The following SLC25A29 variants were observed in gnomAD, a reference collection of about 807,000 sequenced individuals.
SLC25A29 encodes solute carrier family 25 member 29.
A neutral mutation model predicts 10.0 loss-of-function variants in SLC25A29; 13 were observed. The observed-to-expected ratio is 1.30, with a 90% CI of 0.85 to 2.07. The LOEUF (loss-of-function observed/expected upper bound fraction) is 2.07, where lower values mean the gene tolerates loss of function less well. Among genes scored for constraint, SLC25A29 ranks in the 30% most tolerant of loss-of-function variants. The pLI is 0.00. For missense variants in SLC25A29, 475 were observed against 447.6 expected (o/e 1.06, Z -0.55); for synonymous variants, 244 against 221.1 (o/e 1.10, Z -0.92).
rs1891691864 is a variant in SLC25A29, at chr14:100,291,530, G to A, written c.*753C>T. Reference sequence around the variant, plus strand: ...CCCATTTTATGGACAGGCAGCCTGAGGCCCAGAGGCGGAAGGATTTCTCCT... The same window carrying A: ...CCCATTTTATGGACAGGCAGCCTGAAGCCCAGAGGCGGAAGGATTTCTCCT... On this transcript the variant is annotated 3_prime_UTR_variant, in exon 4 of 4. Transcript: ENST00000359232. 1 of 152,388 alleles carries A rather than the reference G, an allele frequency of 6.6e-6. No homozygotes were observed. Among genetic ancestry groups the A allele is most frequent in the Non-Finnish European group, 1.5e-5 (1 of 68,182 alleles). 9.4% of individuals were successfully genotyped at this position (152,388 alleles called of 1,614,324 possible). A position where few individuals can be genotyped will look rare whatever the true frequency, so the allele number is the denominator to read the frequency against.
chr14:100,299,786 G>A (rs753292419), intron 1 of SLC25A29: 79 of 985,294 alleles, frequency 8.0e-5, no homozygotes, highest in Non-Finnish European at 9.0e-5. Flanking sequence ...GGAGTTTCAC[G>A]TGGACATCTG....
downstream of SLC25A29, among the ~76,000 whole-genome samples, chr14:100,289,679 A>G (rs1891617421): frequency 6.6e-6 from 1 of 151,886 alleles, no homozygotes; most frequent in Non-Finnish European, 1.5e-5. Flanking sequence ...CCTGTCTCTA[A>G]TAAAAATAGA....
In SLC25A29 at chr14:100,292,427, C is replaced by A; in HGVS notation, c.768G>T (p.Leu256=). Reference sequence around the variant, plus strand: ...TGGCAGCGTTGACGGGGAAGGCGCGCAGCAGCGTGGACGCCAGCCCCCGTG... The same window carrying A: ...TGGCAGCGTTGACGGGGAAGGCGCGAAGCAGCGTGGACGCCAGCCCCCGTG... ...VFTRGLASTL[L]RAFPVNAATF... Residue 256 remains leucine, a synonymous_variant, in exon 4 of 4, where the codon CTG becomes CTT. Transcript: ENST00000359232. 6.3e-7 allele frequency: 1 copy of A among 1,579,496 alleles called. No individual in the cohort carries two copies. Among genetic ancestry groups the A allele is most frequent in the Non-Finnish European group, 8.6e-7 (1 of 1,165,382 alleles).
intron 1 of SLC25A29, 146 bp from the exon 2 acceptor site, chr14:100,299,031 C>G: frequency 6.8e-7 from 1 of 1,462,002 alleles, no homozygotes; most frequent in Non-Finnish European, 9.1e-7. Flanking sequence ...GTGCAGCAGG[C>G]AGATCCCATG....
At chr14:100,290,699 A>G (rs1360117938), downstream of SLC25A29, among the ~76,000 whole-genome samples, 1 of 151,980 alleles carries the variant, frequency 6.6e-6, no homozygotes, top group Non-Finnish European at 1.5e-5. Flanking sequence ...GCCCTCTCTG[A>G]CCTCCTAGTT....
intron 1 of SLC25A29, among the ~76,000 whole-genome samples, chr14:100,302,295 C>T (rs1265884995): frequency 6.6e-6 from 1 of 151,904 alleles, no homozygotes; most frequent in Non-Finnish European, 1.5e-5. Flanking sequence ...AGCCACCTGC[C>T]TCGGCCTCCC....
chr14:100,284,006 C>T, the SLC25A29 span, among the ~76,000 whole-genome samples: 1 of 152,054 alleles, frequency 6.6e-6, no homozygotes, highest in Non-Finnish European at 1.5e-5. Flanking sequence ...CTTGGCCTCC[C>T]GAGTAGCTAC....
chr14:100,285,237 G>C, the SLC25A29 span, among the ~76,000 whole-genome samples: 3 of 151,890 alleles, frequency 2.0e-5, no homozygotes, highest in African/African-American at 4.8e-5. Context: ...ACTTAGCGCG[G>C]GCAGCCCTGC....
intron 1 of SLC25A29, among the ~76,000 whole-genome samples, chr14:100,300,243 C>T (rs1488464814): frequency 6.6e-6 from 1 of 152,154 alleles, no homozygotes; most frequent in African/African-American, 2.4e-5. Flanking sequence ...TGCACTCCAG[C>T]GACCCAGAGA....
At chr14:100,289,047 G>A (rs1184142341), downstream of SLC25A29, among the ~76,000 whole-genome samples, 1 of 152,224 alleles carries the variant, frequency 6.6e-6, no homozygotes, top group East Asian at 1.9e-4. Context: ...GCAAGAGATG[G>A]TGGCAGCGAT....
rs1036828134 is a variant in SLC25A29, at chr14:100,306,331, G to A, written c.-99C>T. 2 of 1,180,748 alleles carry A rather than the reference G, an allele frequency of 1.7e-6. No homozygotes were observed. The highest frequency in any genetic ancestry group is 2.1e-6 in the Non-Finnish European group (2 of 933,842). 73.1% of individuals were successfully genotyped at this position (1,180,748 alleles called of 1,614,324 possible). A position where few individuals can be genotyped will look rare whatever the true frequency, so the allele number is the denominator to read the frequency against. On this transcript the variant is annotated 5_prime_UTR_variant, in exon 1 of 4. Transcript: ENST00000359232. ...GGGGTCCCCGAGCGCGCGGTGCCGG[G>A]GCTGGGCCTGGCCGCTCCTCCTGGC...
At chr14:100,298,432 A>G (rs1169228471) in intron 2 of SLC25A29, among the ~76,000 whole-genome samples, 1 of 152,146 alleles carries the variant, frequency 6.6e-6, no homozygotes, top group African/African-American at 2.4e-5. Context: ...GGAAACCATC[A>G]CTGGATTCTC....
At chr14:100,283,258 C>T in the SLC25A29 span, among the ~76,000 whole-genome samples, 10 of 152,316 alleles carry the variant, frequency 6.6e-5, no homozygotes, top group African/African-American at 2.4e-4. Context: ...TTCTGCAGAG[C>T]AAGGTTCAGA....
chr14:100,295,506 A>G (rs1250925665), intron 2 of SLC25A29: 1 of 1,159,978 alleles, frequency 8.6e-7, no homozygotes, highest in African/African-American at 1.6e-5. Context: ...ACCTGTGCTG[A>G]GCCCAAGCTT....
downstream of SLC25A29, among the ~76,000 whole-genome samples, chr14:100,286,167 A>C (rs115716172): frequency 4.5e-3 from 685 of 152,206 alleles, 6 homozygotes; most frequent in African/African-American, 0.016. Flanking sequence ...GCAAAACCCA[A>C]CCTGGCCCTG....
At position 100,306,378 on chromosome 14, in the gene SLC25A29, T is replaced by C. The variant is rs1374905776; in HGVS notation, c.-146A>G. 5 of 750,604 alleles carry C rather than the reference T, an allele frequency of 6.7e-6. No individual in the cohort carries two copies. Among genetic ancestry groups the C allele is most frequent in the Non-Finnish European group, 9.0e-6 (5 of 553,874 alleles). 46.5% of individuals were successfully genotyped at this position (750,604 alleles called of 1,614,324 possible). ...TGGCGCGGAGCCCGGGCAGGCGCGG[T>C]CAGGGATGGTGGGGATGGCGGCAGC... is the stretch of plus-strand genomic sequence containing the variant. On this transcript the variant is annotated 5_prime_UTR_variant, in exon 1 of 4. Coordinates refer to ENST00000359232, the MANE Select transcript of SLC25A29 (RefSeq NM_001039355.3).
intron 1 of SLC25A29, chr14:100,305,896 G>A (rs1243541816): frequency 9.0e-6 from 3 of 332,874 alleles, no homozygotes; most frequent in African/African-American, 4.3e-5. Flanking sequence ...ACCTCGGCGC[G>A]GGGGGCAGTG....
chr14:100,287,497 G>A (rs368648714), downstream of SLC25A29, among the ~76,000 whole-genome samples: 38 of 152,128 alleles, frequency 2.5e-4, 1 homozygote, highest in South Asian at 7.5e-3. Context: ...ATAAACTCCA[G>A]ATCCCTGCGG....
At chr14:100,293,120 C>A in intron 3 of SLC25A29, 88 bp from the exon 4 acceptor site, 1 of 1,454,548 alleles carries the variant, frequency 6.9e-7, no homozygotes, top group Non-Finnish European at 9.1e-7. Flanking sequence ...GCAGCCCCAG[C>A]CCACCCCAGG....
Sources: gnomAD v4.1 joint callset for allele counts (sites outside exome capture counted in the v4.1 genomes callset) on GRCh38, gnomAD v4.1.1 for gene constraint, MANE v1.5 for transcripts, NCBI Gene and HGNC (gene_info 2026-07-23, HGNC 2026-07-21) for gene names.